The following NIPBL variants were observed in gnomAD, a reference collection of about 807,000 sequenced individuals.
NIPBL encodes nipped-B-like protein.
Under a neutral mutation model 321.8 loss-of-function variants are expected in NIPBL, and 19 were observed. The ratio of observed to expected loss-of-function variants is 0.06; its 90% confidence interval spans 0.04 to 0.09. NIPBL has a LOEUF of 0.09. Ranked by LOEUF, NIPBL falls within the 10% of genes least tolerant of loss-of-function variation. The pLI is 1.00. For synonymous variants in NIPBL, 1,106 were observed against 1,114.1 expected, an observed-to-expected ratio of 0.99 and a Z score of 0.14; for missense variants, 2,210 against 3,327.0, an observed-to-expected ratio of 0.66 and a Z score of 8.26.
At chr5:36,933,183 G>A (rs1458115761) in intron 1 of NIPBL, among the ~76,000 whole-genome samples, 1 of 151,814 alleles carries the variant, frequency 6.6e-6, no homozygotes, top group Non-Finnish European at 1.5e-5. Context: ...TTTTAAAAAT[G>A]TACTGTTTTT....
intron 4 of NIPBL, among the ~76,000 whole-genome samples, chr5:36,960,695 T>C (rs191613090): frequency 1.3e-5 from 2 of 152,290 alleles, no homozygotes; most frequent in Non-Finnish European, 2.9e-5. Context: ...AAAAAGAGAT[T>C]GGCTATAGAA....
chr5:37,045,998 T>A (rs1752941109), intron 37 of NIPBL, 111 bp from the exon 38 acceptor site: 6 of 663,698 alleles, frequency 9.0e-6, no homozygotes, highest in South Asian at 7.0e-5. Flanking sequence ...CTTATTTTTT[T>A]AATAAAGTTC....
chr5:36,993,667 TA>T lies in NIPBL; in HGVS notation c.3122-1944del, dbSNP rs772467786. ...GCAAAACACTTAGGTACATTTGCTT[TA>T]AAAAAAAAAATCCCGTGATGGATGA... On this transcript the variant is annotated intron_variant, in intron 10 of 46. Coordinates refer to ENST00000282516, the MANE Select transcript of NIPBL (RefSeq NM_133433.4). Among the ~76,000 whole-genome samples, 1,255 of 147,846 alleles carry T rather than the reference TA, an allele frequency of 8.5e-3. 20 individuals carry two copies. The highest frequency in any genetic ancestry group is 0.03 in the African/African-American group (1,199 of 40,526).
intron 1 of NIPBL, among the ~76,000 whole-genome samples, chr5:36,881,639 C>A (rs1268656366): frequency 6.6e-6 from 1 of 151,898 alleles, no homozygotes; most frequent in Non-Finnish European, 1.5e-5. Context: ...CTTATGGATT[C>A]AGGATTCTAT....
chr5:36,898,840 C>CT (rs1019711626), intron 1 of NIPBL, among the ~76,000 whole-genome samples: 1 of 152,210 alleles, frequency 6.6e-6, no homozygotes, highest in African/African-American at 2.4e-5. Flanking sequence ...TAGTTTTAAA[C>CT]TTTTTTTAAA....
intron 6 of NIPBL, among the ~76,000 whole-genome samples, chr5:36,965,573 A>C (rs745349954): frequency 6.6e-6 from 1 of 152,100 alleles, no homozygotes; most frequent in East Asian, 1.9e-4. Context: ...ATACTGTCTG[A>C]TAGGAGAAAT....
chr5:36,952,061 CG>C (rs1422443893), intron 1 of NIPBL, among the ~76,000 whole-genome samples: 1 of 87,124 alleles, frequency 1.1e-5, no homozygotes, highest in African/African-American at 5.3e-5. Flanking sequence ...TGTGCGCGCG[CG>C]CGCGCGCGCG....
intron 1 of NIPBL, among the ~76,000 whole-genome samples, chr5:36,888,853 A>G (rs1459123637): frequency 6.6e-6 from 1 of 152,148 alleles, no homozygotes; most frequent in Admixed American, 6.5e-5. Context: ...GCTGCCTTGA[A>G]AAACAAAGCA....
At chr5:36,984,173 C>CT (rs967237425) in intron 9 of NIPBL, among the ~76,000 whole-genome samples, 14 of 151,608 alleles carry the variant, frequency 9.2e-5, no homozygotes, top group South Asian at 6.2e-4. Flanking sequence ...TATTTTCTTT[C>CT]TTTTTTTTCC....
At chr5:36,937,454 C>T (rs1232268143) in intron 1 of NIPBL, among the ~76,000 whole-genome samples, 1 of 152,150 alleles carries the variant, frequency 6.6e-6, no homozygotes, top group East Asian at 1.9e-4. Context: ...TTAGGTTAAA[C>T]CATACCGTTG....
At chr5:36,893,866 GT>G (rs2149526721) in intron 1 of NIPBL, among the ~76,000 whole-genome samples, 1 of 152,308 alleles carries the variant, frequency 6.6e-6, no homozygotes, top group Non-Finnish European at 1.5e-5. Flanking sequence ...GAGGAAAGAA[GT>G]TAGGGTAGGA....
At chr5:36,880,488 G>C (rs1745422033) in intron 1 of NIPBL, among the ~76,000 whole-genome samples, 1 of 152,048 alleles carries the variant, frequency 6.6e-6, no homozygotes, top group African/African-American at 2.4e-5. Flanking sequence ...TGATTAGGGA[G>C]TGTGAGGTAA....
rs552477402 is a variant in NIPBL at position 36,953,552 on chromosome 5, G to A, written c.-79-66G>A. On this transcript the variant is annotated intron_variant, in intron 1 of 46. Transcript: ENST00000282516. ...AGTAACTTTTTTTTATAGTGATTAA[G>A]CATTTTCCTGATAGTAATATATCTG... The A allele has an allele frequency of 5.1e-4, 369 of 729,998 alleles. 1 individual carries two copies. The highest frequency in any genetic ancestry group is 7.4e-4 in the Non-Finnish European group (305 of 410,488). 45.2% of individuals were successfully genotyped at this position (729,998 alleles called of 1,614,324 possible).
chr5:36,954,671 CATTAAGTAATA>C (rs1740748800), intron 2 of NIPBL, among the ~76,000 whole-genome samples: 1 of 152,014 alleles, frequency 6.6e-6, no homozygotes, highest in South Asian at 2.1e-4. Flanking sequence ...AAGCCCTGTT[CATTAAGTAATA>C]ATTTATTTTC....
In NIPBL at chr5:37,063,772, A is replaced by T; in HGVS notation, c.7861-18A>T. ...AAATATTTACTTAAAATTCTGAAAT[A>T]ATATCTGTTTTTTGTAGTTCAAACT... On this transcript the variant is annotated intron_variant, in intron 45 of 46. Transcript: ENST00000282516. 6.2e-7 allele frequency: 1 copy of T among 1,602,672 alleles called. No homozygotes were observed. The highest frequency in any genetic ancestry group is 8.5e-7 in the Non-Finnish European group (1 of 1,173,168).
At chr5:36,945,969 T>C (rs1269683680) in intron 1 of NIPBL, among the ~76,000 whole-genome samples, 1 of 152,162 alleles carries the variant, frequency 6.6e-6, no homozygotes, top group East Asian at 1.9e-4. Flanking sequence ...TTTATTTACT[T>C]AACCTGTGTA....
At chr5:36,992,710 T>TTTTATTTATTTATTTATTTA (rs70976270) in intron 10 of NIPBL, among the ~76,000 whole-genome samples, 5 of 137,648 alleles carry the variant, frequency 3.6e-5, no homozygotes, top group African/African-American at 5.5e-5. Context: ...AAGTCATGCA[T>TTTTATTTATTTATTTATTTA]TTTATTTATT....
At chr5:36,953,826 G>A in intron 2 of NIPBL, 66 bp downstream of exon 2, 1 of 1,343,808 alleles carries the variant, frequency 7.4e-7, no homozygotes, top group Non-Finnish European at 1.1e-6. Context: ...TACAGTGACT[G>A]TTCTAAAAAT....
intron 43 of NIPBL, 145 bp from the exon 44 acceptor site, chr5:37,058,746 A>G: frequency 1.5e-6 from 1 of 658,002 alleles, no homozygotes; most frequent in East Asian, 2.8e-5. Flanking sequence ...ATCCCCTAAG[A>G]TTACATATCC....
Sources: allele counts gnomAD v4.1 joint callset (sites outside exome capture counted in the v4.1 genomes callset), GRCh38; gene constraint gnomAD v4.1.1; transcripts MANE v1.5; gene names NCBI Gene and HGNC (gene_info 2026-07-23, HGNC 2026-07-21).